The following SAP130 variants were observed in gnomAD, a reference collection of about 807,000 sequenced individuals.
SAP130 encodes Sin3A associated protein 130.
Under a neutral mutation model 103.2 loss-of-function variants are expected in SAP130, and 16 were observed. That is an observed-to-expected ratio of 0.16 (90% CI 0.10 to 0.24). SAP130 has a LOEUF of 0.24. SAP130 is among the 10% of genes least tolerant of loss of function. The pLI, the probability that SAP130 is intolerant of heterozygous loss-of-function variation, is 1.00. For missense variants in SAP130, 990 were observed against 1,359.7 expected, an observed-to-expected ratio of 0.73 and a Z score of 4.28; for synonymous variants, 477 against 497.0, an observed-to-expected ratio of 0.96 and a Z score of 0.53.
intron 18 of SAP130, among the ~76,000 whole-genome samples, chr2:127,948,328 GTTTTTT>G (rs71307269): frequency 9.8e-6 from 1 of 101,536 alleles, no homozygotes; most frequent in African/African-American, 3.7e-5. Context: ...TTTCCTGTGA[GTTTTTT>G]TTTTTTTTTT....
rs777539595 is a variant in SAP130, at chr2:127,999,825, C to T, written c.1129G>A (p.Ala377Thr). The change falls in exon 10 of 21, where the codon GCT (alanine) becomes ACT (threonine). Residue 377 changes from alanine to threonine, a missense_variant. This residue lies in a region of SAP130 where 336 missense variants were observed against 520.1 expected (regional missense o/e 0.65). Transcript: ENST00000643581. ...TTAGSVSHTQ[A>T]PTSTIVTMTV... ...ATGGTAACAATGGTACTTGTGGGAG[C>T]TTGCGTGTGTGACACAGATCCTGAA... 2 of 1,535,460 alleles carry T rather than the reference C, an allele frequency of 1.3e-6. No homozygotes were observed. The highest frequency in any genetic ancestry group is 1.7e-6 in the Non-Finnish European group (2 of 1,144,528).
At chr2:128,026,342 C>T (rs1314061053) in intron 1 of SAP130, 44 bp from the exon 2 acceptor site, 1 of 1,367,854 alleles carries the variant, frequency 7.3e-7, no homozygotes, top group East Asian at 2.3e-5. Flanking sequence ...ATTCTGAGAT[C>T]TGAATCAATA....
intron 5 of SAP130, 73 bp from the exon 6 acceptor site, chr2:128,013,227 A>C: frequency 7.3e-7 from 1 of 1,374,934 alleles, no homozygotes; most frequent in South Asian, 1.5e-5. Context: ...ATGTTTCCCA[A>C]AACTCAGATA....
intron 2 of SAP130, among the ~76,000 whole-genome samples, chr2:128,025,226 T>C (rs1035255093): frequency 1.3e-5 from 2 of 152,218 alleles, no homozygotes; most frequent in African/African-American, 4.8e-5. Context: ...ACTTCTCTGT[T>C]GTGGGGGGCT....
chr2:127,969,219 G>T (rs1006514304), intron 15 of SAP130, among the ~76,000 whole-genome samples: 5 of 152,142 alleles, frequency 3.3e-5, no homozygotes, highest in Admixed American at 6.5e-5. Context: ...ATTATTCCAT[G>T]GGAAGAAGGA....
chr2:127,971,640 AT>A (rs1330219613), intron 15 of SAP130, among the ~76,000 whole-genome samples: 2 of 152,054 alleles, frequency 1.3e-5, no homozygotes, highest in Non-Finnish European at 2.9e-5. Flanking sequence ...TGCAGTTTTA[AT>A]TTTGCCTTCC....
chr2:128,026,806 G>A (rs909313621), intron 1 of SAP130, among the ~76,000 whole-genome samples: 2 of 152,206 alleles, frequency 1.3e-5, no homozygotes, highest in African/African-American at 4.8e-5. Flanking sequence ...TTTCGGCAAA[G>A]GCCTCCATTT....
intron 15 of SAP130, among the ~76,000 whole-genome samples, chr2:127,963,717 T>C (rs1038049821): frequency 6.6e-6 from 1 of 152,148 alleles, no homozygotes; most frequent in Non-Finnish European, 1.5e-5. Flanking sequence ...GCTGTTCTCG[T>C]GATAGTAACT....
At chr2:127,958,964 G>C (rs987607535) in intron 15 of SAP130, among the ~76,000 whole-genome samples, 1 of 152,106 alleles carries the variant, frequency 6.6e-6, no homozygotes, top group Non-Finnish European at 1.5e-5. Context: ...TTTTTAAAGA[G>C]AAATGATTTC....
Position 128,010,304 on chromosome 2 carries a change from A to C in SAP130, c.834T>G (p.Thr278=). The C allele has an allele frequency of 3.1e-6, 5 of 1,614,026 alleles. No homozygotes were observed. The highest frequency in any genetic ancestry group is 4.2e-6 in the Non-Finnish European group (5 of 1,179,990). The change falls in exon 7 of 21, where the codon ACT becomes ACG. Residue 278 remains threonine (T), a synonymous_variant. Transcript: ENST00000643581. ...AATCAGTAGCATGCGCCGCTGTCGT[A>C]GTGATGACTGGAGACTGAGCTCTGG... The part of the protein sequence containing the change: ...SATRAQSPVI[T]TTAAHATDSA...
intron 7 of SAP130, among the ~76,000 whole-genome samples, chr2:128,005,530 G>A (rs1358660408): frequency 6.6e-6 from 1 of 151,942 alleles, no homozygotes; most frequent in Admixed American, 6.6e-5. Flanking sequence ...CAAGAGAATG[G>A]CTTGAACCCG....
At chr2:127,950,435 T>C (rs146816213) in intron 16 of SAP130, 27 bp from the exon 17 acceptor site, 1 of 1,611,532 alleles carries the variant, frequency 6.2e-7, no homozygotes, top group East Asian at 2.2e-5. Flanking sequence ...AGCACACATA[T>C]CTGTAAGAAC....
Position 128,027,965 on chromosome 2 carries a change from G to T in SAP130, c.-32C>A. 1 of 985,288 alleles carries T rather than the reference G, an allele frequency of 1.0e-6. No individual in the cohort carries two copies. Among genetic ancestry groups the T allele is most frequent in the Non-Finnish European group, 1.2e-6 (1 of 830,006 alleles). 61.0% of individuals were successfully genotyped at this position (985,288 alleles called of 1,614,324 possible). A position where few individuals can be genotyped will look rare whatever the true frequency, so the allele number is the denominator to read the frequency against. On this transcript the variant is annotated 5_prime_UTR_variant, in exon 1 of 21. Transcript: ENST00000643581. ...CTGGGTGCTGCGCCCAGTGGCCGCC[G>T]CGCCGCCTTGAGCTCGCTCCCGCGC...
At chr2:127,952,169 C>T (rs1679536430) in intron 16 of SAP130, among the ~76,000 whole-genome samples, 1 of 152,142 alleles carries the variant, frequency 6.6e-6, no homozygotes, top group Admixed American at 6.6e-5. Flanking sequence ...AAAAAATCTT[C>T]TTCTTGGCCA....
chr2:128,021,272 C>A lies in SAP130; in HGVS notation c.113-3357G>T, dbSNP rs147271359. Among the ~76,000 whole-genome samples, 1,186 of 151,938 alleles carry A rather than the reference C, an allele frequency of 7.8e-3. 26 individuals carry two copies. The highest frequency in any genetic ancestry group is 0.025 in the African/African-American group (1,045 of 41,420). Reference sequence around the variant, plus strand: ...GACCAGCCTGGACAATATGGTGAAACCCTGTCTCTACTAAAAATACAAAAA... The same window carrying A: ...GACCAGCCTGGACAATATGGTGAAAACCTGTCTCTACTAAAAATACAAAAA... On this transcript the variant is annotated intron_variant, in intron 2 of 20. Coordinates refer to ENST00000643581, the MANE Select transcript of SAP130 (RefSeq NM_001330301.2).
intron 15 of SAP130, among the ~76,000 whole-genome samples, chr2:127,973,332 AAG>A (rs1470323344): frequency 6.6e-6 from 1 of 152,230 alleles, no homozygotes; most frequent in Non-Finnish European, 1.5e-5. Context: ...TCCTGGGTTC[AAG>A]AGATTCTCCT....
At chr2:127,979,227 C>T (rs1681690127) in intron 14 of SAP130, among the ~76,000 whole-genome samples, 1 of 152,188 alleles carries the variant, frequency 6.6e-6, no homozygotes, top group African/African-American at 2.4e-5. Flanking sequence ...CCAAAGAACA[C>T]AAAGATCAAC....
At chr2:128,026,771 G>A (rs1236045656) in intron 1 of SAP130, among the ~76,000 whole-genome samples, 1 of 152,222 alleles carries the variant, frequency 6.6e-6, no homozygotes, top group African/African-American at 2.4e-5. Context: ...ATCCAGACCC[G>A]ATGCAAAAGG....
At chr2:127,950,830 C>T (rs1431697744) in intron 16 of SAP130, among the ~76,000 whole-genome samples, 1 of 152,058 alleles carries the variant, frequency 6.6e-6, no homozygotes, top group Admixed American at 6.6e-5. Flanking sequence ...CAGCAGCTGT[C>T]CTGAATTAAG....
Sources: allele counts gnomAD v4.1 joint callset (sites outside exome capture counted in the v4.1 genomes callset), GRCh38; gene constraint gnomAD v4.1.1; regional missense constraint gnomAD v4.1.1; transcripts MANE v1.5; gene names NCBI Gene and HGNC (gene_info 2026-07-23, HGNC 2026-07-21).